The following PACRG variants were observed in gnomAD, a reference collection of about 807,000 sequenced individuals.
PACRG encodes the protein parkin coregulated, also known as parkin coregulated gene protein.
In PACRG, 29 loss-of-function variants were observed where a neutral mutation model predicts 29.7. The ratio of observed to expected loss-of-function variants is 0.98; its 90% CI spans 0.73 to 1.33. PACRG has a LOEUF of 1.33. PACRG is among the 40% of genes most tolerant of loss of function. PACRG has a pLI of 0.00. For synonymous variants in PACRG, 116 were observed against 118.7 expected (o/e 0.98, Z 0.15); for missense variants, 279 against 316.2 (o/e 0.88, Z 0.89).
chr6:163,185,342 C>T (rs144180836), intron 4 of PACRG, among the ~76,000 whole-genome samples: 5 of 152,260 alleles, frequency 3.3e-5, no homozygotes, highest in South Asian at 2.1e-4. Context: ...AAACAATCCA[C>T]GTAATTTCTA....
At chr6:163,301,005 T>C (rs13211965) in intron 4 of PACRG, among the ~76,000 whole-genome samples, 1 of 94,476 alleles carries the variant, frequency 1.1e-5, no homozygotes, top group East Asian at 4.1e-4. Flanking sequence ...GTCCGCTGCT[T>C]CCCGTGAGTT....
At chr6:162,768,987 C>T (rs1351851944) in intron 1 of PACRG, among the ~76,000 whole-genome samples, 1 of 152,104 alleles carries the variant, frequency 6.6e-6, no homozygotes, top group Non-Finnish European at 1.5e-5. Flanking sequence ...GATTAACTTC[C>T]TGTGTCTTAC....
intron 4 of PACRG, among the ~76,000 whole-genome samples, chr6:163,217,694 T>C (rs2128157768): frequency 6.6e-6 from 1 of 152,206 alleles, no homozygotes; most frequent in East Asian, 1.9e-4. Context: ...CCGCCTCCTG[T>C]CAGATCAGCA....
chr6:163,058,291 G>A (rs1387749335), intron 2 of PACRG, among the ~76,000 whole-genome samples: 1 of 152,122 alleles, frequency 6.6e-6, no homozygotes, highest in African/African-American at 2.4e-5. Flanking sequence ...GGTGAGAGCT[G>A]CCTATTGGGC....
intron 1 of PACRG, among the ~76,000 whole-genome samples, chr6:162,796,074 A>G (rs935721967): frequency 1.3e-5 from 2 of 152,052 alleles, no homozygotes; most frequent in African/African-American, 4.8e-5. Flanking sequence ...TCTCTTACCT[A>G]ATTGTACTGG....
chr6:162,871,877 A>T (rs970257365), intron 2 of PACRG, among the ~76,000 whole-genome samples: 7 of 152,014 alleles, frequency 4.6e-5, no homozygotes, highest in African/African-American at 1.7e-4. Flanking sequence ...GAGATGTGCC[A>T]CTGCACTCCA....
intron 2 of PACRG, among the ~76,000 whole-genome samples, chr6:162,856,817 C>CTCAAACAGTTTCTTCTGAAACTCAA (rs1452043604): frequency 3.9e-5 from 6 of 152,224 alleles, no homozygotes; most frequent in African/African-American, 1.4e-4. Flanking sequence ...CTTCTGAAGA[C>CTCAAACAGTTTCTTCTGAAACTCAA]ACAGCACTAC....
intron 4 of PACRG, among the ~76,000 whole-genome samples, chr6:163,314,181 C>A (rs1326253811): frequency 6.6e-6 from 1 of 152,182 alleles, no homozygotes; most frequent in Non-Finnish European, 1.5e-5. Flanking sequence ...CCAAAACTAG[C>A]AGTGGCACAA....
chr6:162,980,221 C>T (rs558824736), intron 2 of PACRG, among the ~76,000 whole-genome samples: 1 of 151,998 alleles, frequency 6.6e-6, no homozygotes, highest in South Asian at 2.1e-4. Flanking sequence ...GTAATAATTA[C>T]TAGCATAAGT....
At chr6:163,010,235 G>A (rs761826633) in intron 2 of PACRG, among the ~76,000 whole-genome samples, 2 of 152,122 alleles carry the variant, frequency 1.3e-5, no homozygotes, top group Admixed American at 1.3e-4. Context: ...TTGTTGTTTT[G>A]CAGAGATAAA....
chr6:163,254,920 A>T (rs1461869734), intron 4 of PACRG, among the ~76,000 whole-genome samples: 1 of 152,228 alleles, frequency 6.6e-6, no homozygotes, highest in East Asian at 1.9e-4. Flanking sequence ...CCTCCTCAGT[A>T]TCTTAACACC....
At chr6:162,744,218 A>T (rs1299308950) in intron 1 of PACRG, among the ~76,000 whole-genome samples, 8 of 152,198 alleles carry the variant, frequency 5.3e-5, no homozygotes, top group Non-Finnish European at 1.5e-5. Flanking sequence ...CTTGAAAAAA[A>T]GACTTTTTTT....
At chr6:162,822,342 C>A (rs1424037420) in intron 2 of PACRG, among the ~76,000 whole-genome samples, 1 of 152,148 alleles carries the variant, frequency 6.6e-6, no homozygotes, top group Non-Finnish European at 1.5e-5. Context: ...GGTGCCCAAC[C>A]ACGTAAGCAG....
chr6:162,945,702 C>T (rs1054972275), intron 2 of PACRG, among the ~76,000 whole-genome samples: 8 of 152,098 alleles, frequency 5.3e-5, no homozygotes, highest in Non-Finnish European at 1.0e-4. Flanking sequence ...ACACATTCTT[C>T]TCATCAGCAC....
chr6:163,181,898 G>A (rs570779850), intron 4 of PACRG, among the ~76,000 whole-genome samples: 2 of 152,250 alleles, frequency 1.3e-5, no homozygotes, highest in African/African-American at 4.8e-5. Context: ...GCAGTGAATC[G>A]GGGTTCCACC....
At chr6:162,764,513 T>C (rs987191282) in intron 1 of PACRG, among the ~76,000 whole-genome samples, 1 of 152,144 alleles carries the variant, frequency 6.6e-6, no homozygotes, top group African/African-American at 2.4e-5. Context: ...TAGCCTATTC[T>C]AGCAAAAACT....
At chr6:162,943,498 AG>A (rs992339131) in intron 2 of PACRG, among the ~76,000 whole-genome samples, 5 of 152,084 alleles carry the variant, frequency 3.3e-5, no homozygotes, top group African/African-American at 4.8e-5. Context: ...CCACTGAAAA[AG>A]CAACCCTGCT....
intron 1 of PACRG, among the ~76,000 whole-genome samples, chr6:162,747,390 G>A (rs12191534): frequency 0.081 from 3,550 of 43,962 alleles, 827 homozygotes; most frequent in African/African-American, 0.15. Flanking sequence ...GTATATATAT[G>A]TATATATATA....
intron 2 of PACRG, among the ~76,000 whole-genome samples, chr6:162,902,979 C>T (rs1199224122): frequency 6.6e-6 from 1 of 152,092 alleles, no homozygotes; most frequent in African/African-American, 2.4e-5. Flanking sequence ...TAATAATATA[C>T]CTTACTGTTA....
Sources: allele counts gnomAD v4.1 joint callset (sites outside exome capture counted in the v4.1 genomes callset), GRCh38; gene constraint gnomAD v4.1.1; transcripts MANE v1.5; gene names NCBI Gene and HGNC (gene_info 2026-07-23, HGNC 2026-07-21).